Variants in FEZ1 observed in about 807,000 individuals in gnomAD.
The protein encoded by FEZ1 is fasciculation and elongation protein zeta 1.
FEZ1 carries 20 observed loss-of-function variants against 49.3 expected under a neutral mutation model. The ratio of observed to expected loss-of-function variants is 0.41; its 90% CI spans 0.29 to 0.59. The LOEUF (loss-of-function observed/expected upper bound fraction) is 0.59, where lower values mean the gene tolerates loss of function less well. FEZ1 is among the 20% of genes least tolerant of loss of function. The probability of loss-of-function intolerance (pLI) is 0.36; values close to 1 mark genes in which losing one functional copy is unlikely to be tolerated. For synonymous variants in FEZ1, 170 were observed against 180.9 expected, an observed-to-expected ratio of 0.94 and a Z score of 0.48; for missense variants, 413 against 476.0, an observed-to-expected ratio of 0.87 and a Z score of 1.23.
At position 125,463,520 on chromosome 11, in the gene FEZ1, G is replaced by A. The variant is rs142530568; in HGVS notation, c.462C>T (p.Ser154=). Residue 154 remains serine, a synonymous_variant, in exon 4 of 10, where the codon TCC becomes TCT. Coordinates refer to ENST00000278919, the MANE Select transcript of FEZ1 (RefSeq NM_005103.5). The part of the protein sequence containing the change: ...EEFNEKSEND[S]GINEEPLLTA... ...TGAGCAGAGGCTCCTCGTTGATACCGGAATCATTTTCACTCTTCTCATTGA... is the reference window on the plus strand; with the variant it reads ...TGAGCAGAGGCTCCTCGTTGATACCAGAATCATTTTCACTCTTCTCATTGA... The A allele has an allele frequency of 5.1e-5, 82 of 1,610,772 alleles. No homozygotes were observed. The highest frequency in any genetic ancestry group is 6.7e-5 in the East Asian group (3 of 44,832).
chr11:125,446,802 T>A (rs1277031543), intron 9 of FEZ1, among the ~76,000 whole-genome samples: 1 of 152,084 alleles, frequency 6.6e-6, no homozygotes, highest in East Asian at 1.9e-4. Flanking sequence ...CTCAGCCTCC[T>A]GAGTAGTTGG....
At position 125,460,615 on chromosome 11, in the gene FEZ1, C is replaced by G; in HGVS notation, c.550G>C (p.Glu184Gln). 6 of 1,614,090 alleles carry G rather than the reference C, an allele frequency of 3.7e-6. No individual in the cohort carries two copies. The highest frequency in any genetic ancestry group is 5.1e-6 in the Non-Finnish European group (6 of 1,179,970). Residue 184 changes from glutamate (E) to glutamine (Q), a missense_variant, in exon 5 of 10, where the codon GAA (glutamate) becomes CAA (glutamine). Glu to Gln is a conservative substitution (Grantham distance 29, BLOSUM62 2). Coordinates refer to ENST00000278919, the MANE Select transcript of FEZ1 (RefSeq NM_005103.5). ...TCCTCTTCTTCCAGAACCTCCTCTT[C>G]TTCCTCAGGGTCTGGGGAGTTCTGC... is the stretch of plus-strand genomic sequence containing the variant. ...MMQNSPDPEE[E>Q]EEVLEEEDGG...
intron 2 of FEZ1, among the ~76,000 whole-genome samples, chr11:125,483,001 A>C (rs1957297641): frequency 6.7e-6 from 1 of 149,006 alleles, no homozygotes; most frequent in South Asian, 2.2e-4. Flanking sequence ...AAAAAAAAAA[A>C]AAACTAAAAT....
intron 3 of FEZ1, among the ~76,000 whole-genome samples, chr11:125,480,822 G>C (rs559294252): frequency 6.6e-6 from 1 of 152,034 alleles, no homozygotes; most frequent in African/African-American, 2.4e-5. Flanking sequence ...GGCGGATCAC[G>C]GGGTCAGGAG....
intron 3 of FEZ1, among the ~76,000 whole-genome samples, chr11:125,477,078 T>C (rs1435995897): frequency 2.6e-5 from 4 of 152,200 alleles, no homozygotes; most frequent in African/African-American, 9.6e-5. Flanking sequence ...AAACATGGAA[T>C]TGACACAATA....
At position 125,489,472 on chromosome 11, in the gene FEZ1, G is replaced by A. The variant is rs758310183; in HGVS notation, c.306C>T (p.Asp102=). The part of the protein sequence containing the change: ...QIQEEEETLQ[D]EEVWDALTDN... Reference sequence around the variant, plus strand: ...GGGCAATTAAGACTTCTTACTCCTCGTCCTGAAGGGTCTCCTCCTCCTCTT... The same window carrying A: ...GGGCAATTAAGACTTCTTACTCCTCATCCTGAAGGGTCTCCTCCTCCTCTT... Residue 102 remains aspartate, a synonymous_variant, in exon 2 of 10, where the codon GAC becomes GAT. Transcript: ENST00000278919. This position sits in a 1 kb window ranked among gnomAD's most constrained non-coding sequence, Gnocchi z 4.2. 8.1e-6 allele frequency: 13 copies of A among 1,611,646 alleles called. No homozygotes were observed. Among genetic ancestry groups the A allele is most frequent in the East Asian group, 6.7e-5 (3 of 44,868 alleles).
intron 3 of FEZ1, among the ~76,000 whole-genome samples, chr11:125,478,398 C>T (rs533359040): frequency 3.3e-5 from 5 of 152,160 alleles, no homozygotes; most frequent in South Asian, 2.1e-4. Context: ...GCCAAGATCG[C>T]GCCATTGCAC....
intron 3 of FEZ1, among the ~76,000 whole-genome samples, chr11:125,474,947 A>G (rs528069367): frequency 6.6e-6 from 1 of 151,806 alleles, no homozygotes; most frequent in African/African-American, 2.4e-5. Flanking sequence ...TACTAAAAAA[A>G]TGCACAAAAG....
chr11:125,494,989 C>A (rs1957443775), intron 1 of FEZ1, among the ~76,000 whole-genome samples: 1 of 152,214 alleles, frequency 6.6e-6, no homozygotes, highest in Admixed American at 6.5e-5. Context: ...AAAACCTACC[C>A]TGCACTGATC....
chr11:125,475,570 C>T (rs1266966157), intron 3 of FEZ1, among the ~76,000 whole-genome samples: 4 of 152,108 alleles, frequency 2.6e-5, no homozygotes, highest in Non-Finnish European at 4.4e-5. Flanking sequence ...ACAATACACA[C>T]TGGGCCCTAC....
At chr11:125,458,801 G>T (rs1427554025) in intron 5 of FEZ1, among the ~76,000 whole-genome samples, 1 of 152,204 alleles carries the variant, frequency 6.6e-6, no homozygotes, top group African/African-American at 2.4e-5. Context: ...GGGCGCAGTG[G>T]GTCATGCCTG....
chr11:125,451,959 G>A (rs1167536784), intron 8 of FEZ1, among the ~76,000 whole-genome samples: 1 of 152,202 alleles, frequency 6.6e-6, no homozygotes. Flanking sequence ...GGGCACAAGT[G>A]CCGACCAGGC....
At chr11:125,463,723 A>T (rs1957096776) in intron 3 of FEZ1, among the ~76,000 whole-genome samples, 153 bp from the exon 4 acceptor site, 2 of 133,692 alleles carry the variant, frequency 1.5e-5, no homozygotes, top group South Asian at 5.6e-4. Context: ...AGTTTCATCC[A>T]ATTCCAAACA....
At chr11:125,460,397 G>T in intron 5 of FEZ1, 101 bp downstream of exon 5, 2 of 1,000,222 alleles carry the variant, frequency 2.0e-6, no homozygotes, top group Non-Finnish European at 1.5e-6. Context: ...TCTGCTCTGA[G>T]GCAGTCAGGG....
chr11:125,455,623 A>C (rs764505680), intron 6 of FEZ1: 123 of 640,560 alleles, frequency 1.9e-4, no homozygotes, highest in Non-Finnish European at 3.4e-4. Flanking sequence ...TAATGTACAC[A>C]CTGTCTTCCT....
At chr11:125,480,100 GCATGGTGGCTCACA>G (rs1957265825) in intron 3 of FEZ1, among the ~76,000 whole-genome samples, 1 of 152,188 alleles carries the variant, frequency 6.6e-6, no homozygotes, top group Non-Finnish European at 1.5e-5. Context: ...TTCTAGGCCA[GCATGGTGGCTCACA>G]CCTGTAATCC....
chr11:125,479,750 C>T (rs1957263287), intron 3 of FEZ1, among the ~76,000 whole-genome samples: 1 of 152,142 alleles, frequency 6.6e-6, no homozygotes, highest in Admixed American at 6.5e-5. Context: ...CAGGTCCTCA[C>T]CAGATATTGA....
intron 2 of FEZ1, among the ~76,000 whole-genome samples, chr11:125,487,393 T>C (rs1417033658): frequency 1.3e-5 from 2 of 152,336 alleles, no homozygotes; most frequent in South Asian, 4.1e-4. Context: ...TTAAATGACT[T>C]GCCCAAGGTC....
At chr11:125,446,302 C>T (rs1320104175) in intron 9 of FEZ1, among the ~76,000 whole-genome samples, 191 bp from the exon 10 acceptor site, 4 of 152,008 alleles carry the variant, frequency 2.6e-5, no homozygotes, top group Non-Finnish European at 5.9e-5. Context: ...GTGTAGTCTC[C>T]GGGGCCTGAG....
Sources: allele counts gnomAD v4.1 joint callset (sites outside exome capture counted in the v4.1 genomes callset), GRCh38; gene constraint gnomAD v4.1.1; non-coding constraint Gnocchi (gnomAD v3.1); transcripts MANE v1.5; gene names NCBI Gene and HGNC (gene_info 2026-07-23, HGNC 2026-07-21).